The following CDH13 variants were observed in gnomAD, a reference collection of about 807,000 sequenced individuals.
CDH13 encodes the protein cadherin 13, also known as cadherin-13.
Under a neutral mutation model 63.8 loss-of-function variants are expected in CDH13, and 24 were observed. That is an observed-to-expected ratio of 0.38 (90% CI 0.27 to 0.53). CDH13 has a LOEUF of 0.53. Ranked by LOEUF, CDH13 falls within the 20% of genes least tolerant of loss-of-function variation. The pLI is 0.85. For synonymous variants in CDH13, 503 were observed against 355.3 expected, an observed-to-expected ratio of 1.42 and a Z score of -4.67; for missense variants, 1,049 against 903.1, an observed-to-expected ratio of 1.16 and a Z score of -2.07.
intron 1 of CDH13, among the ~76,000 whole-genome samples, chr16:82,668,978 C>G (rs1266527905): frequency 6.6e-6 from 1 of 152,152 alleles, no homozygotes. Flanking sequence ...CCCCGGTGTA[C>G]CTGGCACAGT....
Position 83,602,558 on chromosome 16 carries a change from C to CA in CDH13, c.1070dup (p.Asn357LysfsTer2). On this transcript the variant is annotated frameshift_variant, in exon 8 of 14. Transcript: ENST00000567109. LOFTEE classifies it high-confidence loss of function. ...CCACAGCCACGATCATGATCGATGACAAAAATGATCACTCACCAAAATTCA... is the reference window on the plus strand; with the variant it reads ...CCACAGCCACGATCATGATCGATGACAAAAAATGATCACTCACCAAAATTCA... 1 of 1,613,974 alleles carries CA rather than the reference C, an allele frequency of 6.2e-7. No homozygotes were observed.
chr16:83,544,805 G>A (rs888163073), intron 7 of CDH13, among the ~76,000 whole-genome samples: 2 of 152,180 alleles, frequency 1.3e-5, no homozygotes, highest in Admixed American at 1.3e-4. Flanking sequence ...GCAAAATGAG[G>A]ATTTATAACA....
At chr16:83,310,322 A>C (rs183487492) in intron 5 of CDH13, among the ~76,000 whole-genome samples, 95 of 152,322 alleles carry the variant, frequency 6.2e-4, no homozygotes, top group African/African-American at 2.1e-3. Context: ...TGATAAGGTA[A>C]ATTAGTTTCT....
chr16:83,422,973 A>T (rs2071761725), intron 6 of CDH13, among the ~76,000 whole-genome samples: 1 of 152,208 alleles, frequency 6.6e-6, no homozygotes, highest in Non-Finnish European at 1.5e-5. Context: ...AAATACTAGG[A>T]ATACAAAGGT....
intron 2 of CDH13, among the ~76,000 whole-genome samples, chr16:82,926,634 T>C (rs6565080): frequency 0.91 from 139,220 of 152,250 alleles, 63,736 homozygotes; most frequent in East Asian, 0.96. Flanking sequence ...AAGCTCTAGG[T>C]ACAAAAGCCT....
intron 3 of CDH13, among the ~76,000 whole-genome samples, chr16:83,068,139 C>T (rs1334181606): frequency 6.6e-6 from 1 of 152,204 alleles, no homozygotes; most frequent in African/African-American, 2.4e-5. Flanking sequence ...ACAGTCGGAT[C>T]TGCTGGGTTG....
intron 4 of CDH13, among the ~76,000 whole-genome samples, chr16:83,214,622 T>G (rs1295193745): frequency 7.9e-6 from 1 of 127,302 alleles, no homozygotes; most frequent in Non-Finnish European, 1.7e-5. Flanking sequence ...ACCTATTCCC[T>G]CAGAAAAGGA....
intron 5 of CDH13, among the ~76,000 whole-genome samples, chr16:83,336,763 A>T (rs1338301092): frequency 6.6e-6 from 1 of 152,222 alleles, no homozygotes; most frequent in Non-Finnish European, 1.5e-5. Flanking sequence ...GGAATGACTC[A>T]CAAGTCCATG....
Position 83,686,589 on chromosome 16 carries a change from T to C in CDH13, c.1538+8128T>C, listed in dbSNP as rs537360646. 2.0e-5 allele frequency among the ~76,000 whole-genome samples: 3 copies of C among 152,360 alleles called. No homozygotes were observed. The East Asian group carries it at 5.8e-4, about 29-fold the overall frequency. On this transcript the variant is annotated intron_variant, in intron 10 of 13. Transcript: ENST00000567109. ...TTGCAAACTATTTGTAGCTCTCACC[T>C]TGCAAGAACGGTGGATAAATTATAA...
chr16:83,035,429 A>G (rs1916760703), intron 3 of CDH13, among the ~76,000 whole-genome samples: 1 of 152,218 alleles, frequency 6.6e-6, no homozygotes, highest in Non-Finnish European at 1.5e-5. Context: ...TCCATGGGCT[A>G]CAAATGCTGA....
intron 6 of CDH13, among the ~76,000 whole-genome samples, chr16:83,386,285 C>A (rs1278287592): frequency 6.6e-6 from 1 of 152,144 alleles, no homozygotes; most frequent in East Asian, 1.9e-4. Context: ...TCAGAATCCA[C>A]CAGACAAAAC....
intron 4 of CDH13, among the ~76,000 whole-genome samples, chr16:83,173,944 C>G (rs1420357144): frequency 6.6e-6 from 1 of 152,054 alleles, no homozygotes; most frequent in East Asian, 1.9e-4. Context: ...AGGCATATCC[C>G]TGGTTATTTC....
intron 3 of CDH13, among the ~76,000 whole-genome samples, chr16:83,100,913 A>T (rs2034444030): frequency 6.6e-6 from 1 of 152,166 alleles, no homozygotes; most frequent in South Asian, 2.1e-4. Flanking sequence ...TATTTCACAC[A>T]TCATTTAACT....
chr16:83,558,469 G>A (rs966940109), intron 7 of CDH13, among the ~76,000 whole-genome samples: 1 of 152,214 alleles, frequency 6.6e-6, no homozygotes, highest in Admixed American at 6.5e-5. Context: ...TATCACTGGT[G>A]CCTTATGCAT....
intron 10 of CDH13, among the ~76,000 whole-genome samples, chr16:83,700,094 C>G (rs546057125): frequency 6.6e-6 from 1 of 152,284 alleles, no homozygotes; most frequent in South Asian, 2.1e-4. Flanking sequence ...CTTTCCTTTA[C>G]CTCAGCCCCA....
intron 1 of CDH13, among the ~76,000 whole-genome samples, chr16:82,799,173 A>G (rs148137585): frequency 6.6e-6 from 1 of 152,318 alleles, no homozygotes; most frequent in East Asian, 1.9e-4. Context: ...GCTCTCCGCC[A>G]TGATGTTTGT....
At chr16:83,789,337 C>CTTTTTTTTTTTTTTT (rs148503283) in intron 13 of CDH13, among the ~76,000 whole-genome samples, 6 of 132,290 alleles carry the variant, frequency 4.5e-5, no homozygotes, top group African/African-American at 1.2e-4. Context: ...TAGTAGCTTT[C>CTTTTTTTTTTTTTTT]TTTTTTTTTG....
At chr16:82,683,390 T>C (rs1914750902) in intron 1 of CDH13, among the ~76,000 whole-genome samples, 1 of 152,228 alleles carries the variant, frequency 6.6e-6, no homozygotes, top group South Asian at 2.1e-4. Flanking sequence ...AGCTCACTCT[T>C]GGTGCTGCAA....
At chr16:82,976,429 C>G (rs536122069) in intron 2 of CDH13, among the ~76,000 whole-genome samples, 1 of 152,138 alleles carries the variant, frequency 6.6e-6, no homozygotes, top group Non-Finnish European at 1.5e-5. Context: ...TGCTGGAGCT[C>G]CAGGCGCTTT....
Sources: allele counts gnomAD v4.1 joint callset (sites outside exome capture counted in the v4.1 genomes callset), GRCh38; gene constraint gnomAD v4.1.1; transcripts MANE v1.5; gene names NCBI Gene and HGNC (gene_info 2026-07-23, HGNC 2026-07-21).